The following CCDC91 variants were observed in gnomAD, a reference collection of about 807,000 sequenced individuals.
The protein encoded by CCDC91 is coiled-coil domain-containing protein 91.
In CCDC91, 48 loss-of-function variants were observed where a neutral mutation model predicts 63.2. The observed-to-expected ratio is 0.76, with a 90% CI of 0.60 to 0.97. CCDC91 has a LOEUF of 0.97. Among genes scored for constraint, CCDC91 ranks in the 50% least tolerant of loss-of-function variants. The pLI, the probability that CCDC91 is intolerant of heterozygous loss-of-function variation, is 0.00. For missense variants in CCDC91, 500 were observed against 494.6 expected (o/e 1.01, Z -0.10); for synonymous variants, 167 against 165.8 (o/e 1.01, Z -0.06).
intron 3 of CCDC91, among the ~76,000 whole-genome samples, chr12:28,281,297 T>TGA (rs1948595823): frequency 6.6e-6 from 1 of 152,166 alleles, no homozygotes; most frequent in Admixed American, 6.5e-5. Flanking sequence ...TTAGCTTACA[T>TGA]GAGTGTGGAG....
chr12:28,540,349 A>G (rs1942539114), intron 12 of CCDC91, among the ~76,000 whole-genome samples: 1 of 152,168 alleles, frequency 6.6e-6, no homozygotes, highest in Non-Finnish European at 1.5e-5. Flanking sequence ...ATCTGTCTGA[A>G]TCTACTGTAT....
intron 12 of CCDC91, among the ~76,000 whole-genome samples, chr12:28,536,461 C>A (rs961650960): frequency 6.6e-6 from 1 of 152,126 alleles, no homozygotes; most frequent in Non-Finnish European, 1.5e-5. Context: ...AAATATGTTT[C>A]ATCATAGAGA....
At chr12:28,319,122 A>T (rs1940213891) in intron 6 of CCDC91, among the ~76,000 whole-genome samples, 1 of 152,000 alleles carries the variant, frequency 6.6e-6, no homozygotes, top group African/African-American at 2.4e-5. Flanking sequence ...TAGAATTTGT[A>T]AACAGTTAGT....
At chr12:28,400,685 C>T (rs1237633470) in intron 8 of CCDC91, among the ~76,000 whole-genome samples, 8 of 152,134 alleles carry the variant, frequency 5.3e-5, no homozygotes, top group African/African-American at 1.9e-4. Flanking sequence ...GCACCCAAGT[C>T]ACCACTTGAA....
chr12:28,379,451 A>C (rs1445156829), intron 7 of CCDC91, among the ~76,000 whole-genome samples: 2 of 147,480 alleles, frequency 1.4e-5, no homozygotes, highest in Non-Finnish European at 3.0e-5. Flanking sequence ...AAACAAATTT[A>C]CAAAAAAAAA....
chr12:28,506,433 A>G (rs900924130), intron 12 of CCDC91, among the ~76,000 whole-genome samples: 1 of 152,020 alleles, frequency 6.6e-6, no homozygotes, highest in Admixed American at 6.6e-5. Flanking sequence ...TTTGGGTCAC[A>G]TGCTTGCCTC....
intron 1 of CCDC91, among the ~76,000 whole-genome samples, chr12:28,253,847 A>G (rs925585950): frequency 2.0e-5 from 3 of 152,182 alleles, no homozygotes; most frequent in Non-Finnish European, 4.4e-5. Context: ...GCATTTAATG[A>G]TGCTTCCAAC....
At chr12:28,428,710 C>T (rs143958299) in intron 8 of CCDC91, among the ~76,000 whole-genome samples, 31 of 150,632 alleles carry the variant, frequency 2.1e-4, no homozygotes, top group African/African-American at 5.4e-4. Flanking sequence ...GTATCTTTTA[C>T]GGAAATATAT....
At chr12:28,223,726 A>G (rs1406735948) in intron 1 of CCDC91, among the ~76,000 whole-genome samples, 8 of 152,246 alleles carry the variant, frequency 5.3e-5, no homozygotes, top group Non-Finnish European at 1.2e-4. Context: ...GTGTTAACTT[A>G]TACTATTGTA....
intron 1 of CCDC91, among the ~76,000 whole-genome samples, chr12:28,211,265 C>A (rs1214933556): frequency 4.0e-5 from 6 of 151,794 alleles, no homozygotes; most frequent in Admixed American, 3.9e-4. Flanking sequence ...GCCAACATGC[C>A]AAGCCTCTGG....
chr12:28,377,693 G>T (rs905757197), intron 7 of CCDC91, among the ~76,000 whole-genome samples: 3 of 151,690 alleles, frequency 2.0e-5, no homozygotes, highest in Non-Finnish European at 4.4e-5. Context: ...TTGTTTGCAT[G>T]CATTTGGCCA....
chr12:28,197,581 TAGTA>T, intron 1 of CCDC91, among the ~76,000 whole-genome samples: 1 of 152,276 alleles, frequency 6.6e-6, no homozygotes. Context: ...GTTGTATTAA[TAGTA>T]AGTGGTAGAG....
At chr12:28,440,285 C>G (rs1949117877) in intron 8 of CCDC91, among the ~76,000 whole-genome samples, 1 of 152,118 alleles carries the variant, frequency 6.6e-6, no homozygotes, top group African/African-American at 2.4e-5. Context: ...CCCATATTGC[C>G]TCACTAGGTA....
At chr12:28,250,079 C>T (rs1946019273) in intron 1 of CCDC91, among the ~76,000 whole-genome samples, 1 of 152,072 alleles carries the variant, frequency 6.6e-6, no homozygotes, top group Non-Finnish European at 1.5e-5. Flanking sequence ...AGAGGGCTAT[C>T]AGCCTGGGAA....
intron 8 of CCDC91, among the ~76,000 whole-genome samples, chr12:28,441,865 A>G (rs1253728199): frequency 6.6e-6 from 1 of 151,936 alleles, no homozygotes; most frequent in Non-Finnish European, 1.5e-5. Flanking sequence ...ATGTCATGAT[A>G]AAGATGTGTA....
chr12:28,524,666 A>G (rs370906208), intron 12 of CCDC91, among the ~76,000 whole-genome samples: 27 of 152,062 alleles, frequency 1.8e-4, no homozygotes, highest in Admixed American at 6.6e-4. Context: ...AATAGTGTCA[A>G]TAGGATTGGT....
chr12:28,208,723 A>C (rs533153430), intron 1 of CCDC91, among the ~76,000 whole-genome samples: 23 of 152,330 alleles, frequency 1.5e-4, no homozygotes, highest in Non-Finnish European at 3.1e-4. Flanking sequence ...GATAGAGGGA[A>C]GACTTAACTT....
intron 8 of CCDC91, among the ~76,000 whole-genome samples, chr12:28,398,044 C>CT (rs1359510756): frequency 1.3e-5 from 2 of 152,114 alleles, no homozygotes; most frequent in African/African-American, 2.4e-5. Context: ...AATCTATCAA[C>CT]TTTTTGGAGT....
chr12:28,430,895 C>T (rs775526945), intron 8 of CCDC91, among the ~76,000 whole-genome samples: 1 of 152,068 alleles, frequency 6.6e-6, no homozygotes, highest in Non-Finnish European at 1.5e-5. Context: ...GACTACTTGT[C>T]TTCGTATTAG....
Sources: gnomAD v4.1 joint callset for allele counts (sites outside exome capture counted in the v4.1 genomes callset) on GRCh38, gnomAD v4.1.1 for gene constraint, MANE v1.5 for transcripts, NCBI Gene and HGNC (gene_info 2026-07-23, HGNC 2026-07-21) for gene names.